Variants in TBC1D5 observed in about 807,000 individuals in gnomAD.
TBC1D5 encodes TBC1 domain family, member 5.
In TBC1D5, 75 loss-of-function variants were observed where a neutral mutation model predicts 100.3. That is an observed-to-expected ratio of 0.75 (90% CI 0.62 to 0.91). The LOEUF (loss-of-function observed/expected upper bound fraction) is 0.91. Ranked by LOEUF, TBC1D5 falls within the 40% of genes least tolerant of loss-of-function variation. The pLI, the probability that TBC1D5 is intolerant of heterozygous loss-of-function variation, is 0.00. For synonymous variants in TBC1D5, 323 were observed against 325.6 expected (o/e 0.99, Z 0.09); for missense variants, 910 against 942.4 (o/e 0.97, Z 0.45).
At chr3:17,584,866 C>G (rs772051526) in intron 2 of TBC1D5, among the ~76,000 whole-genome samples, 1 of 152,182 alleles carries the variant, frequency 6.6e-6, no homozygotes, top group Admixed American at 6.5e-5. Flanking sequence ...CCATGTTGGC[C>G]AGGCTGTTCT....
chr3:17,525,547 T>C (rs1298821028), intron 2 of TBC1D5, among the ~76,000 whole-genome samples: 1 of 152,210 alleles, frequency 6.6e-6, no homozygotes, highest in African/African-American at 2.4e-5. Flanking sequence ...TCAAAATCCA[T>C]TGTTTCTTAT....
intron 15 of TBC1D5, among the ~76,000 whole-genome samples, chr3:17,275,898 C>T (rs1206124056): frequency 6.6e-6 from 1 of 152,118 alleles, no homozygotes; most frequent in Non-Finnish European, 1.5e-5. Context: ...CTGCTTCTAC[C>T]TGATACCAGG....
chr3:17,686,023 T>G (rs2070223222), intron 1 of TBC1D5, among the ~76,000 whole-genome samples: 1 of 152,158 alleles, frequency 6.6e-6, no homozygotes, highest in African/African-American at 2.4e-5. Context: ...TGGACTAACT[T>G]CAACTTGACA....
chr3:17,735,720 G>A (rs2153995982), intron 1 of TBC1D5, among the ~76,000 whole-genome samples: 1 of 152,358 alleles, frequency 6.6e-6, no homozygotes. Flanking sequence ...AGCCCGATCA[G>A]GAGCAGCAAT....
At chr3:17,427,055 G>A (rs1009886729) in intron 4 of TBC1D5, among the ~76,000 whole-genome samples, 5 of 151,858 alleles carry the variant, frequency 3.3e-5, no homozygotes, top group Middle Eastern at 3.4e-3. Context: ...TGACACACTC[G>A]AATAGGGGAT....
chr3:17,327,760 G>A (rs906946837), intron 13 of TBC1D5, among the ~76,000 whole-genome samples: 1 of 151,630 alleles, frequency 6.6e-6, no homozygotes, highest in Non-Finnish European at 1.5e-5. Flanking sequence ...TATTTACTAT[G>A]TCCCCCACTA....
At chr3:17,721,755 C>T (rs1249523151) in intron 1 of TBC1D5, among the ~76,000 whole-genome samples, 1 of 151,796 alleles carries the variant, frequency 6.6e-6, no homozygotes, top group Non-Finnish European at 1.5e-5. Context: ...CCGAGGCGGG[C>T]AGATTCCCTG....
At chr3:17,173,739 G>T (rs904816380) in intron 19 of TBC1D5, among the ~76,000 whole-genome samples, 1 of 152,092 alleles carries the variant, frequency 6.6e-6, no homozygotes, top group Non-Finnish European at 1.5e-5. Flanking sequence ...TAGATACCCT[G>T]ATCTTTAACA....
At chr3:17,183,456 A>G (rs1156233830) in intron 19 of TBC1D5, among the ~76,000 whole-genome samples, 5 of 152,156 alleles carry the variant, frequency 3.3e-5, no homozygotes, top group African/African-American at 4.8e-5. Context: ...GTCTATATGA[A>G]TTTTTAAAAA....
chr3:17,358,267 C>G (rs1329443662), intron 13 of TBC1D5, among the ~76,000 whole-genome samples: 3 of 152,186 alleles, frequency 2.0e-5, no homozygotes, highest in Admixed American at 6.5e-5. Context: ...TCACCACAAC[C>G]TCTGCCTCCT....
intron 2 of TBC1D5, among the ~76,000 whole-genome samples, chr3:17,545,226 A>T (rs1235455606): frequency 6.6e-6 from 1 of 152,192 alleles, no homozygotes; most frequent in Non-Finnish European, 1.5e-5. Context: ...TTAAATTGTC[A>T]TTAAGGTGGA....
chr3:17,460,988 A>G (rs555442862), intron 3 of TBC1D5, among the ~76,000 whole-genome samples: 26 of 152,328 alleles, frequency 1.7e-4, no homozygotes, highest in African/African-American at 5.8e-4. Flanking sequence ...GGCACGAATA[A>G]TAAGATAACT....
At chr3:17,543,026 G>A (rs1452402801) in intron 2 of TBC1D5, among the ~76,000 whole-genome samples, 1 of 152,014 alleles carries the variant, frequency 6.6e-6, no homozygotes, top group Non-Finnish European at 1.5e-5. Flanking sequence ...GCAAAACACT[G>A]AACCTAACCT....
intron 1 of TBC1D5, among the ~76,000 whole-genome samples, chr3:17,624,169 T>C (rs1183173145): frequency 6.6e-6 from 1 of 152,182 alleles, no homozygotes; most frequent in East Asian, 1.9e-4. Context: ...TATTACAAAA[T>C]TACACACGAC....
intron 3 of TBC1D5, among the ~76,000 whole-genome samples, chr3:17,467,220 G>C (rs1425109502): frequency 1.3e-5 from 2 of 148,158 alleles, no homozygotes; most frequent in Non-Finnish European, 3.0e-5. Context: ...GTGCCTTTCT[G>C]ATTTTATCAA....
intron 13 of TBC1D5, among the ~76,000 whole-genome samples, chr3:17,354,663 A>G (rs1452664594): frequency 2.6e-5 from 4 of 151,916 alleles, no homozygotes; most frequent in Admixed American, 2.6e-4. Context: ...GATAGGCTTT[A>G]TGATGTGCAA....
chr3:17,327,026 T>G (rs78466193), intron 13 of TBC1D5, among the ~76,000 whole-genome samples: 1,878 of 152,336 alleles, frequency 0.012, 38 homozygotes, highest in African/African-American at 0.043. Flanking sequence ...ACCATCCTGA[T>G]CTTTCATCTT....
intron 8 of TBC1D5, among the ~76,000 whole-genome samples, chr3:17,394,390 T>C (rs931607406): frequency 6.6e-6 from 1 of 152,096 alleles, no homozygotes; most frequent in Non-Finnish European, 1.5e-5. Flanking sequence ...CAGGTACCAT[T>C]TCCATTTTGG....
chr3:17,607,750 T>A (rs140650905), intron 2 of TBC1D5, among the ~76,000 whole-genome samples: 75 of 152,134 alleles, frequency 4.9e-4, no homozygotes, highest in Middle Eastern at 3.4e-3. Flanking sequence ...AACTGCTCAC[T>A]TGTTGAACAG....
Sources: allele counts gnomAD v4.1 joint callset (sites outside exome capture counted in the v4.1 genomes callset), GRCh38; gene constraint gnomAD v4.1.1; transcripts MANE v1.5; gene names NCBI Gene and HGNC (gene_info 2026-07-23, HGNC 2026-07-21).